SLC66A3: variants seen among roughly 807,000 people sequenced by gnomAD.
SLC66A3 encodes solute carrier family 66 member 3.
Under a neutral mutation model 25.5 loss-of-function variants are expected in SLC66A3, and 23 were observed. The ratio of observed to expected loss-of-function variants is 0.90; its 90% CI spans 0.65 to 1.28. SLC66A3 has a LOEUF of 1.28. Ranked by LOEUF, SLC66A3 falls within the 50% of genes most tolerant of loss-of-function variation. The pLI, the probability that SLC66A3 is intolerant of heterozygous loss-of-function variation, is 0.00. For missense variants in SLC66A3, 246 were observed against 262.1 expected (o/e 0.94, Z 0.42); for synonymous variants, 108 against 112.6 (o/e 0.96, Z 0.26).
chr2:11,166,681 A>G (rs935429894), intron 4 of SLC66A3, among the ~76,000 whole-genome samples: 9 of 152,206 alleles, frequency 5.9e-5, no homozygotes, highest in African/African-American at 1.9e-4. Flanking sequence ...ACCTGAGGTC[A>G]GGAGTTGGAG....
intron 5 of SLC66A3, chr2:11,172,828 C>G (rs745483657): frequency 1.5e-5 from 6 of 392,242 alleles, no homozygotes; most frequent in African/African-American, 8.4e-5. Flanking sequence ...GCTGGGAGTA[C>G]GAGCACACAC....
chr2:11,172,728 T>G lies in SLC66A3; in HGVS notation c.475+683T>G, dbSNP rs116422359. On this transcript the variant is annotated intron_variant, in intron 5 of 6. Transcript: ENST00000295083. ...TTAATTATGTCTTAAAATCAAGACT[T>G]TCTTTCTTTTTTCCTTTGACAGGGT... 3.1e-3 allele frequency: 1,321 copies of G among 420,604 alleles called. 15 individuals carry two copies. Among genetic ancestry groups the G allele is most frequent in the African/African-American group, 0.024 (1,187 of 48,742 alleles). The allele number at this position is 420,604 out of a possible 1,614,324, so 26.1% of individuals were successfully genotyped here.
intron 4 of SLC66A3, among the ~76,000 whole-genome samples, chr2:11,165,410 C>T (rs1558253893): frequency 6.6e-6 from 1 of 150,564 alleles, no homozygotes. Flanking sequence ...GTGCTCCTCA[C>T]TTCCCAGACT....
chr2:11,155,473 C>A lies in SLC66A3; in HGVS notation c.-74C>A, dbSNP rs1306205922. 1.1e-5 allele frequency: 15 copies of A among 1,378,900 alleles called. No individual in the cohort carries two copies. Among genetic ancestry groups the A allele is most frequent in the Non-Finnish European group, 1.4e-5 (15 of 1,069,282 alleles). The allele number at this position is 1,378,900 out of a possible 1,614,324, so 85.4% of individuals were successfully genotyped here. On this transcript the variant is annotated 5_prime_UTR_variant, in exon 1 of 7. Transcript: ENST00000295083. ...CGGATCCCGGGAAGGCGGAAGGCTT[C>A]GGCAGAGCTGCGCCGCCGAGGCTGA...
intron 4 of SLC66A3, among the ~76,000 whole-genome samples, chr2:11,165,157 G>A (rs1662277944): frequency 6.6e-6 from 1 of 151,376 alleles, no homozygotes; most frequent in African/African-American, 2.4e-5. Context: ...GGCCGGGCGG[G>A]GGCTGACCCC....
rs1318265990 is a variant in SLC66A3 at position 11,178,690 on chromosome 2, T to TAA, written c.*864_*865dup. The TAA allele has an allele frequency of 2.6e-5, 4 of 152,316 alleles. No homozygotes were observed. The highest frequency in any genetic ancestry group is 5.9e-5 in the Non-Finnish European group (4 of 68,038). 9.4% of individuals were successfully genotyped at this position (152,316 alleles called of 1,614,324 possible). A position where few individuals can be genotyped will look rare whatever the true frequency, so the allele number is the denominator to read the frequency against. ...TTTTCACATTATAGCATTTTTACCCTAAACATGATGTTGAGATTATTATAT... is the reference window on the plus strand; with the variant it reads ...TTTTCACATTATAGCATTTTTACCCTAAAAACATGATGTTGAGATTATTATAT... On this transcript the variant is annotated 3_prime_UTR_variant, in exon 7 of 7. Coordinates refer to ENST00000295083, the MANE Select transcript of SLC66A3 (RefSeq NM_152391.5).
rs996341936 is a variant in SLC66A3 at position 11,177,947 on chromosome 2, C to CAA, written c.*121_*122dup. 4.2e-5 allele frequency: 28 copies of CAA among 662,308 alleles called. No homozygotes were observed. In the African/African-American group the frequency reaches 5.0e-4, roughly 12 times the overall value. The allele number at this position is 662,308 out of a possible 1,614,324, so 41.0% of individuals were successfully genotyped here. A position where few individuals can be genotyped will look rare whatever the true frequency, so the allele number is the denominator to read the frequency against. ...TAAATCAGTTTATAATCTTTAAAGC[C>CAA]AAAGGTTTTTTTAGACTTGAAAGAA... On this transcript the variant is annotated 3_prime_UTR_variant, in exon 7 of 7. Coordinates refer to ENST00000295083, the MANE Select transcript of SLC66A3 (RefSeq NM_152391.5).
chr2:11,166,065 G>C (rs932807834), intron 4 of SLC66A3, among the ~76,000 whole-genome samples: 1 of 152,112 alleles, frequency 6.6e-6, no homozygotes, highest in African/African-American at 2.4e-5. Flanking sequence ...GTAGAGACAG[G>C]GTTTCACTGT....
At chr2:11,162,828 G>A (rs1183404675) in intron 3 of SLC66A3, among the ~76,000 whole-genome samples, 14 of 152,140 alleles carry the variant, frequency 9.2e-5, no homozygotes, top group South Asian at 2.1e-4. Context: ...GGATGGTTTC[G>A]ATCTCCTGAC....
intron 4 of SLC66A3, among the ~76,000 whole-genome samples, chr2:11,168,011 T>G (rs1662405356): frequency 6.6e-6 from 1 of 152,220 alleles, no homozygotes; most frequent in South Asian, 2.1e-4. Flanking sequence ...CCGGGTGCGG[T>G]GGCTCACGCC....
rs540854567 is a variant in SLC66A3 at position 11,164,411 on chromosome 2, G to A, written c.354+150G>A. ...GGCTGGAGTACAATGGCGCAATCTC[G>A]GCTCACCACAACCTCCACCTCCTGG... On this transcript the variant is annotated intron_variant, in intron 4 of 6. Transcript: ENST00000295083. The A allele has an allele frequency of 2.7e-3, 475 of 174,312 alleles. 3 individuals carry two copies. Among genetic ancestry groups the A allele is most frequent in the South Asian group, 3.5e-3 (17 of 4,802 alleles). 10.8% of individuals were successfully genotyped at this position (174,312 alleles called of 1,614,324 possible). A position where few individuals can be genotyped will look rare whatever the true frequency, so the allele number is the denominator to read the frequency against.
Position 11,178,006 on chromosome 2 carries a change from T to C in SLC66A3, c.*178T>C. ...TTAAATTCTTGTTTAAAAATACCAA[T>C]TTGCCTCCTCCTTCCTCACTTCGTT... On this transcript the variant is annotated 3_prime_UTR_variant, in exon 7 of 7. Coordinates refer to ENST00000295083, the MANE Select transcript of SLC66A3 (RefSeq NM_152391.5). 1 of 570,810 alleles carries C rather than the reference T, an allele frequency of 1.8e-6. No individual in the cohort carries two copies. The allele number at this position is 570,810 out of a possible 1,614,324, so 35.4% of individuals were successfully genotyped here.
intron 4 of SLC66A3, among the ~76,000 whole-genome samples, chr2:11,169,750 T>C (rs532818432): frequency 6.6e-5 from 10 of 151,544 alleles, no homozygotes; most frequent in Non-Finnish European, 1.2e-4. Context: ...CCCACCTTCA[T>C]CTTAATGTGT....
At chr2:11,167,144 A>G (rs1457703864) in intron 4 of SLC66A3, among the ~76,000 whole-genome samples, 1 of 152,108 alleles carries the variant, frequency 6.6e-6, no homozygotes, top group Non-Finnish European at 1.5e-5. Context: ...CAGTGTTGAG[A>G]TACAGGCTTG....
At chr2:11,177,127 CTCAGGACG>C in intron 6 of SLC66A3, among the ~76,000 whole-genome samples, 1 of 152,236 alleles carries the variant, frequency 6.6e-6, no homozygotes, top group South Asian at 2.1e-4. Flanking sequence ...CAGCAGCACC[CTCAGGACG>C]TCAGATGAGT....
intron 3 of SLC66A3, among the ~76,000 whole-genome samples, 170 bp from the exon 4 acceptor site, chr2:11,164,034 T>C (rs1160033224): frequency 2.0e-5 from 3 of 152,128 alleles, no homozygotes; most frequent in Non-Finnish European, 4.4e-5. Flanking sequence ...GGTGTTCACT[T>C]GCGACCCTTT....
At chr2:11,175,738 A>G (rs1467412281) in intron 6 of SLC66A3, among the ~76,000 whole-genome samples, 2 of 152,218 alleles carry the variant, frequency 1.3e-5, no homozygotes, top group Non-Finnish European at 2.9e-5. Flanking sequence ...CCACAAAAGA[A>G]TTTAGTAATT....
intron 1 of SLC66A3, among the ~76,000 whole-genome samples, chr2:11,157,161 A>G (rs895959128): frequency 2.0e-5 from 3 of 152,192 alleles, no homozygotes; most frequent in Non-Finnish European, 4.4e-5. Context: ...AGAGATACGC[A>G]GGTGAGGGCT....
intron 6 of SLC66A3, among the ~76,000 whole-genome samples, chr2:11,176,494 G>T (rs998901481): frequency 6.6e-6 from 1 of 150,674 alleles, no homozygotes; most frequent in African/African-American, 2.4e-5. Flanking sequence ...GGGATTACAG[G>T]CGTGTGCCAC....
Sources: gnomAD v4.1 joint callset for allele counts (sites outside exome capture counted in the v4.1 genomes callset) on GRCh38, gnomAD v4.1.1 for gene constraint, MANE v1.5 for transcripts, NCBI Gene and HGNC (gene_info 2026-07-23, HGNC 2026-07-21) for gene names.